DNAJC1: variants seen among roughly 807,000 people sequenced by gnomAD.
DNAJC1 encodes the protein dnaJ homolog subfamily C member 1.
Under a neutral mutation model 76.6 loss-of-function variants are expected in DNAJC1, and 58 were observed. The ratio of observed to expected loss-of-function variants is 0.76; its 90% CI spans 0.61 to 0.94. The LOEUF (loss-of-function observed/expected upper bound fraction) is 0.94. DNAJC1 is among the 40% of genes least tolerant of loss of function. The pLI is 0.00. For missense variants in DNAJC1, 689 were observed against 677.3 expected (o/e 1.02, Z -0.19); for synonymous variants, 258 against 267.9 (o/e 0.96, Z 0.36).
chr10:21,890,479 G>T lies in DNAJC1; in HGVS notation c.821-8040C>A, dbSNP rs544829567. ...CTGAAGAATCAGGGCTTTCACAACTGCCCAATGGTAACAAAGCCATCCCCA... is the reference window on the plus strand; with the variant it reads ...CTGAAGAATCAGGGCTTTCACAACTTCCCAATGGTAACAAAGCCATCCCCA... On this transcript the variant is annotated intron_variant, in intron 7 of 11. Transcript: ENST00000376980. Among the ~76,000 whole-genome samples, 52 of 150,644 alleles carry T rather than the reference G, an allele frequency of 3.5e-4. 1 individual carries two copies. The highest frequency in any genetic ancestry group is 1.2e-3 in the African/African-American group (49 of 41,022).
intron 8 of DNAJC1, among the ~76,000 whole-genome samples, chr10:21,851,780 C>T (rs779658303): frequency 3.4e-4 from 52 of 152,038 alleles, no homozygotes; most frequent in Non-Finnish European, 5.6e-4. Context: ...TACGGCCGGG[C>T]GCAGTGGTTC....
chr10:21,841,548 A>G (rs1268907800), intron 8 of DNAJC1, among the ~76,000 whole-genome samples: 2 of 152,200 alleles, frequency 1.3e-5, no homozygotes, highest in African/African-American at 2.4e-5. Flanking sequence ...CAAAACCACA[A>G]TGAGATACCA....
intron 8 of DNAJC1, among the ~76,000 whole-genome samples, chr10:21,850,441 A>G (rs920218663): frequency 6.6e-6 from 1 of 152,116 alleles, no homozygotes; most frequent in African/African-American, 2.4e-5. Flanking sequence ...AAAATTACAA[A>G]ACACTGCTGA....
intron 11 of DNAJC1, 114 bp from the exon 12 acceptor site, chr10:21,756,869 GC>G: frequency 2.1e-6 from 2 of 939,882 alleles, no homozygotes; most frequent in South Asian, 2.8e-5. Context: ...CAGTCCCTCT[GC>G]CCAGAGTTCC....
intron 9 of DNAJC1, among the ~76,000 whole-genome samples, chr10:21,770,543 A>T (rs1834361685): frequency 6.6e-6 from 1 of 151,896 alleles, no homozygotes; most frequent in African/African-American, 2.4e-5. Flanking sequence ...GACTACAGGC[A>T]TGTGCCAAGA....
In DNAJC1 at chr10:21,841,761, C is replaced by A. The variant is rs554575299; in HGVS notation, c.979-35662G>T. 3.3e-5 allele frequency among the ~76,000 whole-genome samples: 5 copies of A among 152,100 alleles called. No individual in the cohort carries two copies. In the East Asian group the frequency reaches 9.7e-4, roughly 29 times the overall value. On this transcript the variant is annotated intron_variant, in intron 8 of 11. Coordinates refer to ENST00000376980, the MANE Select transcript of DNAJC1 (RefSeq NM_022365.4). ...AGCCATCCCATTACTGGGTATATAC[C>A]CAAAGGATTATAAACCATGCTGCTA...
chr10:21,894,033 GTATTTGACAACT>G (rs1234657376), intron 7 of DNAJC1, among the ~76,000 whole-genome samples: 1 of 152,096 alleles, frequency 6.6e-6, no homozygotes, highest in Non-Finnish European at 1.5e-5. Context: ...CTAGATACAT[GTATTTGACAACT>G]TAGATGAAAA....
rs534179105 is a variant in DNAJC1 at position 21,813,054 on chromosome 10, T to C, written c.979-6955A>G. Reference sequence around the variant, plus strand: ...ACACACACACACACACACACACACATATATATACATATATACATATATATA... The same window carrying C: ...ACACACACACACACACACACACACACATATATACATATATACATATATATA... On this transcript the variant is annotated intron_variant, in intron 8 of 11. Transcript: ENST00000376980. 9.4e-3 allele frequency among the ~76,000 whole-genome samples: 1,107 copies of C among 118,064 alleles called. 6 individuals carry two copies. The highest frequency in any genetic ancestry group is 0.031 in the South Asian group (120 of 3,928). The allele number at this position is 118,064 out of a possible 152,430, so 77.5% of individuals were successfully genotyped here. A position where few individuals can be genotyped will look rare whatever the true frequency, so the allele number is the denominator to read the frequency against.
chr10:21,966,065 C>T (rs186689038), intron 1 of DNAJC1, among the ~76,000 whole-genome samples: 3 of 152,220 alleles, frequency 2.0e-5, no homozygotes, highest in African/African-American at 7.2e-5. Flanking sequence ...CTAAAGAGTA[C>T]CAGTGAGTTA....
At chr10:21,891,720 T>C (rs1171099581) in intron 7 of DNAJC1, among the ~76,000 whole-genome samples, 1 of 152,098 alleles carries the variant, frequency 6.6e-6, no homozygotes, top group Non-Finnish European at 1.5e-5. Flanking sequence ...TGTGACAATA[T>C]CTTACCGGCA....
chr10:21,980,918 T>C (rs10740997), intron 1 of DNAJC1, among the ~76,000 whole-genome samples: 109,287 of 151,886 alleles, frequency 0.72, 39,699 homozygotes, highest in East Asian at 0.96. Flanking sequence ...CCTACTGTAT[T>C]TGTAGCTCCC....
In DNAJC1 at chr10:21,756,568, A is replaced by ATT; in HGVS notation, c.*117_*118dup. The ATT allele has an allele frequency of 1.5e-6, 1 of 672,200 alleles. No individual in the cohort carries two copies. 41.6% of individuals were successfully genotyped at this position (672,200 alleles called of 1,614,324 possible). A position where few individuals can be genotyped will look rare whatever the true frequency, so the allele number is the denominator to read the frequency against. On this transcript the variant is annotated 3_prime_UTR_variant, in exon 12 of 12. Coordinates refer to ENST00000376980, the MANE Select transcript of DNAJC1 (RefSeq NM_022365.4). The stretch of plus-strand genomic sequence containing the variant: ...AACACTCATCTTTTATTTATTTATT[A>ATT]TTTTTTTTTACTAAGGCACATGACG...
At chr10:21,812,600 C>T (rs544213612) in intron 8 of DNAJC1, among the ~76,000 whole-genome samples, 2 of 152,042 alleles carry the variant, frequency 1.3e-5, no homozygotes, top group African/African-American at 2.4e-5. Flanking sequence ...CAGAGCCTTG[C>T]TCTGTTGCCC....
At chr10:21,780,242 G>A (rs1329349761) in intron 9 of DNAJC1, among the ~76,000 whole-genome samples, 2 of 152,092 alleles carry the variant, frequency 1.3e-5, no homozygotes, top group African/African-American at 2.4e-5. Flanking sequence ...GAAATACAGA[G>A]AACACCACAA....
rs1302973814 is a variant in DNAJC1 at position 21,759,423 on chromosome 10, G to A, written c.1343C>T (p.Ala448Val). ...CTTCGCTGTAGCCTCCAGCAGCCTG[G>A]CTGGCTTCCGCCTCCGAGGCCGGGC... The part of the protein sequence containing the change: ...TDARPRRRKP[A>V]RLLEATAKPE... Residue 448 changes from alanine to valine, a missense_variant, in exon 11 of 12, where the codon GCC becomes GTC. Transcript: ENST00000376980. 13 of 1,614,092 alleles carry A rather than the reference G, an allele frequency of 8.1e-6. No homozygotes were observed. In the South Asian group the frequency reaches 1.3e-4, roughly 16 times the overall value.
intron 8 of DNAJC1, among the ~76,000 whole-genome samples, chr10:21,860,130 C>CATAAAA (rs1412972548): frequency 7.0e-6 from 1 of 143,854 alleles, no homozygotes; most frequent in Non-Finnish European, 1.5e-5. Flanking sequence ...CTAGGACATA[C>CATAAAA]ATTTATCTTC....
intron 1 of DNAJC1, among the ~76,000 whole-genome samples, chr10:21,995,293 G>C (rs1838398436): frequency 6.6e-6 from 1 of 152,080 alleles, no homozygotes; most frequent in Admixed American, 6.6e-5. Flanking sequence ...TACTTTCCCA[G>C]TAAATGGCAA....
At chr10:21,837,557 G>A (rs1034030884) in intron 8 of DNAJC1, among the ~76,000 whole-genome samples, 1 of 151,706 alleles carries the variant, frequency 6.6e-6, no homozygotes, top group Admixed American at 6.6e-5. Context: ...CCTCTGCCTG[G>A]CCGCGACCCC....
chr10:21,800,706 A>G (rs1365582736), intron 9 of DNAJC1, among the ~76,000 whole-genome samples: 1 of 152,204 alleles, frequency 6.6e-6, no homozygotes, highest in Non-Finnish European at 1.5e-5. Flanking sequence ...ATATCCATAC[A>G]TATACAGAGA....
Sources: allele counts gnomAD v4.1 joint callset (sites outside exome capture counted in the v4.1 genomes callset), GRCh38; gene constraint gnomAD v4.1.1; transcripts MANE v1.5; gene names NCBI Gene and HGNC (gene_info 2026-07-23, HGNC 2026-07-21).